LPCAT1: variants seen among roughly 807,000 people sequenced by gnomAD.
The protein encoded by LPCAT1 is lysophosphatidylcholine acyltransferase 1.
In LPCAT1, 23 loss-of-function variants were observed where a neutral mutation model predicts 60.9. That is an observed-to-expected ratio of 0.38 (90% confidence interval 0.27 to 0.53). The LOEUF is 0.53. Ranked by LOEUF, LPCAT1 falls within the 20% of genes least tolerant of loss-of-function variation. The pLI is 0.82. For missense variants in LPCAT1, 622 were observed against 723.6 expected, an observed-to-expected ratio of 0.86 and a Z score of 1.61; for synonymous variants, 340 against 301.1, an observed-to-expected ratio of 1.13 and a Z score of -1.34.
intron 5 of LPCAT1, among the ~76,000 whole-genome samples, chr5:1,486,254 C>G (rs1231488176): frequency 6.6e-6 from 1 of 152,202 alleles, no homozygotes; most frequent in Non-Finnish European, 1.5e-5. Flanking sequence ...CAGGGCTCTG[C>G]TGAGCTCTAT....
At position 1,521,694 on chromosome 5, in the gene LPCAT1, G is replaced by C. The variant is rs1410669104; in HGVS notation, c.135+2016C>G. The stretch of plus-strand genomic sequence containing the variant: ...GCAACAAAGCAAGCCCCCTCTCTGA[G>C]AGGCCCCAACACCTCAAGCCAGGAT... On this transcript the variant is annotated intron_variant, in intron 1 of 13. Coordinates refer to ENST00000283415, the MANE Select transcript of LPCAT1 (RefSeq NM_024830.5). The surrounding 1 kb of genome is among the most constrained non-coding windows in gnomAD (Gnocchi z 4.3). Among the ~76,000 whole-genome samples the C allele has an allele frequency of 1.3e-5, 2 of 152,194 alleles. No individual in the cohort carries two copies. Among genetic ancestry groups the C allele is most frequent in the Admixed American group, 1.3e-4 (2 of 15,284 alleles).
rs539721810 is a variant in LPCAT1 at position 1,462,240 on chromosome 5, G to A, written c.*1411C>T. The A allele has an allele frequency of 6.6e-6, 1 of 152,514 alleles. No individual in the cohort carries two copies. Among genetic ancestry groups the A allele is most frequent in the South Asian group, 2.1e-4 (1 of 4,820 alleles). 9.4% of individuals were successfully genotyped at this position (152,514 alleles called of 1,614,324 possible). A position where few individuals can be genotyped will look rare whatever the true frequency, so the allele number is the denominator to read the frequency against. On this transcript the variant is annotated 3_prime_UTR_variant, in exon 14 of 14. Transcript: ENST00000283415. ...TCAAAAAAATTTTCCAAACAAACCC[G>A]GAGCCTTTGCTTTAGGAAGCAAACT...
Position 1,462,271 on chromosome 5 carries a change from C to G in LPCAT1, c.*1380G>C, listed in dbSNP as rs558067409. On this transcript the variant is annotated 3_prime_UTR_variant, in exon 14 of 14. Coordinates refer to ENST00000283415, the MANE Select transcript of LPCAT1 (RefSeq NM_024830.5). ...TTTGCTTTAGGAAGCAAACTCAAGTCTGTGATGATTATTGTGCTTGAAGGA... is the reference window on the plus strand; with the variant it reads ...TTTGCTTTAGGAAGCAAACTCAAGTGTGTGATGATTATTGTGCTTGAAGGA... 9.4e-4 allele frequency: 143 copies of G among 152,598 alleles called. No homozygotes were observed. The highest frequency in any genetic ancestry group is 3.3e-3 in the African/African-American group (135 of 41,518). The allele number at this position is 152,598 out of a possible 1,614,324, so 9.5% of individuals were successfully genotyped here.
rs1284630664 is a variant in LPCAT1, at chr5:1,496,571, A to C, written c.279-1657T>G. Among the ~76,000 whole-genome samples, 1 of 151,978 alleles carries C rather than the reference A, an allele frequency of 6.6e-6. No homozygotes were observed. Among genetic ancestry groups the C allele is most frequent in the Non-Finnish European group, 1.5e-5 (1 of 67,968 alleles). ...TCTCGGGCAGGTTCAGGGGCAGGAG[A>C]GAGGACAGCAGGAAAAAAGGGATTA... On this transcript the variant is annotated intron_variant, in intron 2 of 13. Coordinates refer to ENST00000283415, the MANE Select transcript of LPCAT1 (RefSeq NM_024830.5). The surrounding 1 kb of genome is among the most constrained non-coding windows in gnomAD (Gnocchi z 4.7).
rs1006587368 is a variant in LPCAT1, at chr5:1,523,665, T to C, written c.135+45A>G. On this transcript the variant is annotated intron_variant, in intron 1 of 13. Coordinates refer to ENST00000283415, the MANE Select transcript of LPCAT1 (RefSeq NM_024830.5). The surrounding 1 kb of genome is among the most constrained non-coding windows in gnomAD (Gnocchi z 7.1). Reference sequence around the variant, plus strand: ...CGCGCCTCCCTGGCCCCAGCATCCCTGGCGTCCGCGCCGGCTCCCGGGGCC... The same window carrying C: ...CGCGCCTCCCTGGCCCCAGCATCCCCGGCGTCCGCGCCGGCTCCCGGGGCC... The C allele has an allele frequency of 4.7e-6, 5 of 1,061,800 alleles. No homozygotes were observed. Among genetic ancestry groups the C allele is most frequent in the African/African-American group, 1.7e-5 (1 of 58,106 alleles). The allele number at this position is 1,061,800 out of a possible 1,614,324, so 65.8% of individuals were successfully genotyped here.
rs1205903615 is a variant in LPCAT1 at position 1,521,161 on chromosome 5, TA to T, written c.135+2548del. Among the ~76,000 whole-genome samples the T allele has an allele frequency of 6.6e-6, 1 of 152,272 alleles. No individual in the cohort carries two copies. The highest frequency in any genetic ancestry group is 1.5e-5 in the Non-Finnish European group (1 of 68,050). On this transcript the variant is annotated intron_variant, in intron 1 of 13. Transcript: ENST00000283415. The surrounding 1 kb of genome is among the most constrained non-coding windows in gnomAD (Gnocchi z 4.3). ...GTATTACAGACCCTGATGGCTTTGA[TA>T]CCTCTTTTCAGATCTTAATGTGCTG...
At chr5:1,515,663 G>T (rs112091063) in intron 1 of LPCAT1, among the ~76,000 whole-genome samples, 8 of 141,836 alleles carry the variant, frequency 5.6e-5, no homozygotes, top group African/African-American at 2.1e-4. Context: ...CCTGGCCTAA[G>T]TCCCACCCAC....
Position 1,502,431 on chromosome 5 carries a change from A to C in LPCAT1, c.136-828T>G, listed in dbSNP as rs1056913039. Among the ~76,000 whole-genome samples, 31 of 152,118 alleles carry C rather than the reference A, an allele frequency of 2.0e-4. No homozygotes were observed. Among genetic ancestry groups the C allele is most frequent in the African/African-American group, 7.5e-4 (31 of 41,416 alleles). On this transcript the variant is annotated intron_variant, in intron 1 of 13. Transcript: ENST00000283415. The surrounding 1 kb of genome is among the most constrained non-coding windows in gnomAD (Gnocchi z 5.5). ...CCTCAGACCACAGAGAAGACGGCAG[A>C]ATGAAGGTGTGACTTTCCAGTCAAT... is the stretch of plus-strand genomic sequence containing the variant.
At chr5:1,466,103 C>T (rs997745658) in intron 13 of LPCAT1, among the ~76,000 whole-genome samples, 3 of 152,248 alleles carry the variant, frequency 2.0e-5, no homozygotes, top group African/African-American at 7.2e-5. Flanking sequence ...GGCCTGCAGC[C>T]CTGGGAGCCT....
At chr5:1,497,385 C>A (rs1266109588) in intron 2 of LPCAT1, among the ~76,000 whole-genome samples, 2 of 152,126 alleles carry the variant, frequency 1.3e-5, no homozygotes, top group African/African-American at 4.8e-5. Context: ...GGCGCAGGCC[C>A]CGGCTCTGCA....
chr5:1,475,537 C>T (rs972274391), intron 9 of LPCAT1, among the ~76,000 whole-genome samples: 11 of 152,244 alleles, frequency 7.2e-5, no homozygotes, highest in African/African-American at 1.2e-4. Flanking sequence ...GACTCAGAGG[C>T]GAGCCCCATC....
chr5:1,510,514 C>T (rs985646584), intron 1 of LPCAT1, among the ~76,000 whole-genome samples: 12 of 152,220 alleles, frequency 7.9e-5, no homozygotes, highest in African/African-American at 2.4e-5. Flanking sequence ...CTAGACCACT[C>T]CATTTACCAT....
chr5:1,494,122 A>AT (rs1353929666), intron 3 of LPCAT1, among the ~76,000 whole-genome samples: 1 of 145,600 alleles, frequency 6.9e-6, no homozygotes, highest in East Asian at 2.1e-4. Flanking sequence ...GGGAGGGGTC[A>AT]TGGCAGCACC....
chr5:1,463,803 C>T lies in LPCAT1; in HGVS notation c.1453G>A (p.Ala485Thr), dbSNP rs1168336545. ...GGGTACAGGTATTCCTCTGCGAAGGCAGGGTACATTTCTGCAAACCTGTGG... is the reference window on the plus strand; with the variant it reads ...GGGTACAGGTATTCCTCTGCGAAGGTAGGGTACATTTCTGCAAACCTGTGG... ...DFHRFAEMYPAFAEEYLYPDQ... is the reference protein window; with the variant it reads ...DFHRFAEMYPTFAEEYLYPDQ... The change falls in exon 14 of 14, where the codon GCC becomes ACC. Residue 485 changes from alanine to threonine, a missense_variant. Coordinates refer to ENST00000283415, the MANE Select transcript of LPCAT1 (RefSeq NM_024830.5). 9.3e-6 allele frequency: 15 copies of T among 1,614,136 alleles called. No homozygotes were observed. In the Admixed American group the frequency reaches 1.0e-4, roughly 11 times the overall value.
chr5:1,519,650 C>T (rs920208524), intron 1 of LPCAT1, among the ~76,000 whole-genome samples: 1 of 152,348 alleles, frequency 6.6e-6, no homozygotes, highest in Middle Eastern at 3.4e-3. Flanking sequence ...GCAGCTGGGC[C>T]TCTGTGTCCT....
intron 1 of LPCAT1, among the ~76,000 whole-genome samples, chr5:1,511,636 CCTCA>C (rs1217163147): frequency 6.6e-6 from 1 of 152,256 alleles, no homozygotes; most frequent in African/African-American, 2.4e-5. Flanking sequence ...CACCTGTACG[CCTCA>C]CTCACTCTGC....
chr5:1,477,108 G>A lies in LPCAT1; in HGVS notation c.899+296C>T, dbSNP rs1413481325. Reference sequence around the variant, plus strand: ...TGAAGTTGGCCCAGGCCAGCGCCCCGCTGGCTCATTTAGGGCACAGGAAAC... The same window carrying A: ...TGAAGTTGGCCCAGGCCAGCGCCCCACTGGCTCATTTAGGGCACAGGAAAC... On this transcript the variant is annotated intron_variant, in intron 9 of 13. Transcript: ENST00000283415. This position sits in a 1 kb window ranked among gnomAD's most constrained non-coding sequence, Gnocchi z 6.0. Among the ~76,000 whole-genome samples, 4 of 152,214 alleles carry A rather than the reference G, an allele frequency of 2.6e-5. No individual in the cohort carries two copies. Among genetic ancestry groups the A allele is most frequent in the Admixed American group, 1.3e-4 (2 of 15,284 alleles).
chr5:1,483,689 C>G lies in LPCAT1; in HGVS notation c.668-203G>C. On this transcript the variant is annotated intron_variant, in intron 5 of 13. Coordinates refer to ENST00000283415, the MANE Select transcript of LPCAT1 (RefSeq NM_024830.5). This position sits in a 1 kb window ranked among gnomAD's most constrained non-coding sequence, Gnocchi z 9.2. Reference sequence around the variant, plus strand: ...CCACAGCACGGATGGGCAGGAACATCGGCCAGGGGCGCTCCCCGGCCAAGG... The same window carrying G: ...CCACAGCACGGATGGGCAGGAACATGGGCCAGGGGCGCTCCCCGGCCAAGG... Among the ~76,000 whole-genome samples, 1 of 152,372 alleles carries G rather than the reference C, an allele frequency of 6.6e-6. No homozygotes were observed. The highest frequency in any genetic ancestry group is 1.9e-4 in the East Asian group (1 of 5,182).
rs752782938 is a variant in LPCAT1 at position 1,477,318 on chromosome 5, C to A, written c.899+86G>T. 19 of 1,106,282 alleles carry A rather than the reference C, an allele frequency of 1.7e-5. No homozygotes were observed. Among genetic ancestry groups the A allele is most frequent in the Non-Finnish European group, 2.4e-5 (18 of 745,324 alleles). 68.5% of individuals were successfully genotyped at this position (1,106,282 alleles called of 1,614,324 possible). A position where few individuals can be genotyped will look rare whatever the true frequency, so the allele number is the denominator to read the frequency against. ...CTTCTGCAAGAATGCCTTTTCCTAA[C>A]GCTGTTGCCTATTTTAAATATACAG... On this transcript the variant is annotated intron_variant, in intron 9 of 13. Transcript: ENST00000283415. The surrounding 1 kb of genome is among the most constrained non-coding windows in gnomAD (Gnocchi z 6.0).
Sources: gnomAD v4.1 joint callset for allele counts (sites outside exome capture counted in the v4.1 genomes callset) on GRCh38, gnomAD v4.1.1 for gene constraint, Gnocchi (gnomAD v3.1) non-coding constraint, MANE v1.5 for transcripts, NCBI Gene and HGNC (gene_info 2026-07-23, HGNC 2026-07-21) for gene names.